Variants in MINDY4 observed in about 807,000 individuals in gnomAD.
MINDY4 encodes the protein probable ubiquitin carboxyl-terminal hydrolase MINDY-4.
In MINDY4, 68 loss-of-function variants were observed where a neutral mutation model predicts 87.0. The ratio of observed to expected loss-of-function variants is 0.78; its 90% CI spans 0.64 to 0.96. The LOEUF (loss-of-function observed/expected upper bound fraction) is 0.96. MINDY4 is among the 40% of genes least tolerant of loss of function. The pLI is 0.00. For synonymous variants in MINDY4, 379 were observed against 363.2 expected (o/e 1.04, Z -0.50); for missense variants, 919 against 928.2 (o/e 0.99, Z 0.13).
chr7:30,792,150 C>T (rs1459136442), intron 5 of MINDY4, among the ~76,000 whole-genome samples: 3 of 152,212 alleles, frequency 2.0e-5, no homozygotes, highest in Admixed American at 2.0e-4. Flanking sequence ...TCATCCTATC[C>T]TTACTTTTAT....
Position 30,800,620 on chromosome 7 carries a change from A to G in MINDY4, c.1073+9046A>G, listed in dbSNP as rs148709455. Among the ~76,000 whole-genome samples, 698 of 152,302 alleles carry G rather than the reference A, an allele frequency of 4.6e-3. 2 individuals carry two copies. The highest frequency in any genetic ancestry group is 8.4e-3 in the Non-Finnish European group (574 of 67,998). Reference sequence around the variant, plus strand: ...GTTCAGGGAGCAGTTAAGGGACGCTATTGAGGGGGCAGGAGGGCCCTGGGC... The same window carrying G: ...GTTCAGGGAGCAGTTAAGGGACGCTGTTGAGGGGGCAGGAGGGCCCTGGGC... On this transcript the variant is annotated intron_variant, in intron 5 of 17. Coordinates refer to ENST00000265299, the MANE Select transcript of MINDY4 (RefSeq NM_032222.3).
chr7:30,839,077 C>A, intron 7 of MINDY4, 123 bp from the exon 8 acceptor site: 4 of 597,596 alleles, frequency 6.7e-6, no homozygotes, highest in South Asian at 2.5e-5. Flanking sequence ...AGAGATGAAC[C>A]ATGCTAGAAA....
chr7:30,875,831 C>T (rs1790241389), intron 15 of MINDY4, among the ~76,000 whole-genome samples, 175 bp downstream of exon 15: 1 of 152,148 alleles, frequency 6.6e-6, no homozygotes, highest in Non-Finnish European at 1.5e-5. Flanking sequence ...TGGCTACAGG[C>T]CTATAATTCA....
At chr7:30,807,478 G>T (rs759922485) in intron 5 of MINDY4, among the ~76,000 whole-genome samples, 5 of 151,860 alleles carry the variant, frequency 3.3e-5, no homozygotes, top group Non-Finnish European at 7.4e-5. Context: ...GAAGAAAAGA[G>T]AAGTTGAAAG....
At chr7:30,847,253 G>A (rs62449083) in intron 9 of MINDY4, among the ~76,000 whole-genome samples, 8,057 of 152,288 alleles carry the variant, frequency 0.053, 346 homozygotes, top group Middle Eastern at 0.075. Flanking sequence ...AGATGGAGAA[G>A]GCCCAGGGAA....
chr7:30,882,218 G>A lies in MINDY4; in HGVS notation c.2009G>A (p.Trp670Ter). Residue 670 changes from tryptophan (W) to a stop codon, truncating the protein, a stop_gained, in exon 16 of 18, where the codon TGG becomes TAG. Coordinates refer to ENST00000265299, the MANE Select transcript of MINDY4 (RefSeq NM_032222.3). LOFTEE classifies it high-confidence loss of function. ...CTGAAGACCCCGAGGTTCCCCATCT[G>A]GGTGGTTTGCAGTGAGAGCCACTTC... The part of the protein sequence containing the change: ...CFLKTPRFPI[W>*]VVCSESHFSI... The A allele has an allele frequency of 1.2e-6, 2 of 1,613,418 alleles. No individual in the cohort carries two copies. Among genetic ancestry groups the A allele is most frequent in the Non-Finnish European group, 1.7e-6 (2 of 1,179,450 alleles).
chr7:30,849,786 A>G lies in MINDY4; in HGVS notation c.1446-668A>G, dbSNP rs539562640. On this transcript the variant is annotated intron_variant, in intron 9 of 17. Coordinates refer to ENST00000265299, the MANE Select transcript of MINDY4 (RefSeq NM_032222.3). ...CAGCCTTATCTAAAGATCTGAGTGCATCTCAAACTCAGTAAGTCTGAAGTG... is the reference window on the plus strand; with the variant it reads ...CAGCCTTATCTAAAGATCTGAGTGCGTCTCAAACTCAGTAAGTCTGAAGTG... 8.0e-4 allele frequency among the ~76,000 whole-genome samples: 122 copies of G among 152,346 alleles called. 2 individuals carry two copies. Among genetic ancestry groups the G allele is most frequent in the African/African-American group, 2.6e-3 (109 of 41,584 alleles).
At chr7:30,833,536 A>C (rs1250388752) in intron 6 of MINDY4, among the ~76,000 whole-genome samples, 1 of 152,206 alleles carries the variant, frequency 6.6e-6, no homozygotes, top group East Asian at 1.9e-4. Flanking sequence ...GGGGACACAG[A>C]GCCAAGCCAT....
intron 13 of MINDY4, among the ~76,000 whole-genome samples, chr7:30,871,170 C>A (rs998419832): frequency 2.0e-5 from 3 of 152,182 alleles, no homozygotes; most frequent in African/African-American, 7.2e-5. Context: ...GTGGGGGGGA[C>A]AGACCTGGGA....
intron 1 of MINDY4, 78 bp from the exon 2 acceptor site, chr7:30,778,354 A>G: frequency 6.4e-7 from 1 of 1,573,202 alleles, no homozygotes; most frequent in East Asian, 2.2e-5. Context: ...GAACATCAGG[A>G]ATCGTTTGCT....
chr7:30,836,816 A>T (rs10258097), intron 7 of MINDY4, 52 bp downstream of exon 7: 2 of 1,376,364 alleles, frequency 1.5e-6, no homozygotes, highest in South Asian at 2.4e-5. Flanking sequence ...GAATGGATAT[A>T]GATGGCGTGA....
intron 14 of MINDY4, among the ~76,000 whole-genome samples, chr7:30,874,873 GT>G (rs1237163778): frequency 6.6e-6 from 1 of 152,228 alleles, no homozygotes; most frequent in Non-Finnish European, 1.5e-5. Flanking sequence ...CTCTGGTTAT[GT>G]AAGATGTTAT....
At chr7:30,884,687 C>T (rs931131940) in intron 17 of MINDY4, among the ~76,000 whole-genome samples, 1 of 152,258 alleles carries the variant, frequency 6.6e-6, no homozygotes, top group Non-Finnish European at 1.5e-5. Context: ...AACCTCTCCA[C>T]TGCCTCTTCT....
At chr7:30,808,417 G>C (rs1046926446) in intron 5 of MINDY4, among the ~76,000 whole-genome samples, 5 of 152,028 alleles carry the variant, frequency 3.3e-5, no homozygotes, top group Non-Finnish European at 5.9e-5. Flanking sequence ...CTCTGATTTT[G>C]GTTTTGATTC....
intron 3 of MINDY4, among the ~76,000 whole-genome samples, chr7:30,784,520 C>T (rs1467511618): frequency 6.6e-6 from 1 of 152,210 alleles, no homozygotes; most frequent in East Asian, 1.9e-4. Context: ...GTGAGCTTTC[C>T]ACGAAAAGAG....
intron 4 of MINDY4, among the ~76,000 whole-genome samples, chr7:30,787,049 T>A (rs976668900): frequency 4.6e-5 from 7 of 152,214 alleles, no homozygotes; most frequent in Non-Finnish European, 7.3e-5. Context: ...GTTCTCCCAA[T>A]TCATTTGGAA....
At chr7:30,787,269 C>A (rs1276934860) in intron 4 of MINDY4, among the ~76,000 whole-genome samples, 1 of 152,204 alleles carries the variant, frequency 6.6e-6, no homozygotes, top group African/African-American at 2.4e-5. Context: ...GTAGTTCAGG[C>A]CACATCTTGA....
At chr7:30,857,831 A>C (rs1222435425) in intron 12 of MINDY4, 1 of 152,200 alleles carries the variant, frequency 6.6e-6, no homozygotes, top group Non-Finnish European at 1.5e-5. Flanking sequence ...CTTTTTAAAA[A>C]GACTAATTGA....
Position 30,771,490 on chromosome 7 carries a change from A to C in MINDY4, c.-4A>C. On this transcript the variant is annotated 5_prime_UTR_variant, in exon 1 of 18. Transcript: ENST00000265299. ...GCCTCGTGGGCAGAGCCAGAGCCAG[A>C]GCCATGGACAGCCTCTTCGTGGAGG... is the stretch of plus-strand genomic sequence containing the variant. 1 of 1,603,772 alleles carries C rather than the reference A, an allele frequency of 6.2e-7. No individual in the cohort carries two copies.
Sources: gnomAD v4.1 joint callset for allele counts (sites outside exome capture counted in the v4.1 genomes callset) on GRCh38, gnomAD v4.1.1 for gene constraint, MANE v1.5 for transcripts, NCBI Gene and HGNC (gene_info 2026-07-23, HGNC 2026-07-21) for gene names.